The following MATN2 variants were observed in gnomAD, a reference collection of about 807,000 sequenced individuals.
MATN2 encodes the protein matrilin-2.
MATN2 carries 69 observed loss-of-function variants against 103.2 expected under a neutral mutation model. The ratio of observed to expected loss-of-function variants is 0.67; its 90% CI spans 0.55 to 0.82. The LOEUF is 0.82. Ranked by LOEUF, MATN2 falls within the 40% of genes least tolerant of loss-of-function variation. MATN2 has a pLI of 0.00. For missense variants in MATN2, 1,023 were observed against 1,211.5 expected (o/e 0.84, Z 2.31); for synonymous variants, 429 against 450.2 (o/e 0.95, Z 0.60).
intron 2 of MATN2, among the ~76,000 whole-genome samples, chr8:97,889,142 G>A (rs556501037): frequency 1.1e-4 from 16 of 152,098 alleles, no homozygotes; most frequent in Middle Eastern, 3.4e-3. Context: ...CCAGCCACTC[G>A]AATCTGACCC....
chr8:97,885,018 C>T (rs1163347174), intron 1 of MATN2, among the ~76,000 whole-genome samples: 1 of 152,230 alleles, frequency 6.6e-6, no homozygotes, highest in African/African-American at 2.4e-5. Context: ...TAACTCCTCA[C>T]TCTTCACCTA....
At chr8:97,934,962 G>C (rs1022852896) in intron 3 of MATN2, among the ~76,000 whole-genome samples, 1 of 152,192 alleles carries the variant, frequency 6.6e-6, no homozygotes, top group Non-Finnish European at 1.5e-5. Context: ...TTGGGATCCT[G>C]AGATTTTATT....
intron 10 of MATN2, among the ~76,000 whole-genome samples, chr8:98,011,107 G>C (rs1279314405): frequency 6.6e-6 from 1 of 152,222 alleles, no homozygotes; most frequent in Non-Finnish European, 1.5e-5. Flanking sequence ...CCAGCACCCA[G>C]CTGTGTCCTC....
intron 3 of MATN2, among the ~76,000 whole-genome samples, chr8:97,933,781 C>T (rs1268094204): frequency 6.6e-6 from 1 of 152,150 alleles, no homozygotes; most frequent in Non-Finnish European, 1.5e-5. Context: ...TGCTGTCTCT[C>T]ACTGCACTGC....
intron 4 of MATN2, among the ~76,000 whole-genome samples, chr8:97,952,475 C>T (rs752710134): frequency 6.6e-5 from 10 of 152,304 alleles, no homozygotes; most frequent in African/African-American, 1.4e-4. Context: ...CGTGCTCCCC[C>T]CTCAGTTCTG....
At chr8:97,905,698 T>C (rs995259038) in intron 2 of MATN2, among the ~76,000 whole-genome samples, 16 of 152,174 alleles carry the variant, frequency 1.1e-4, no homozygotes, top group Non-Finnish European at 2.9e-5. Context: ...GTCTTATTCC[T>C]ATCACCCAGG....
intron 2 of MATN2, among the ~76,000 whole-genome samples, chr8:97,890,437 C>T (rs976291287): frequency 4.0e-5 from 6 of 150,584 alleles, no homozygotes; most frequent in African/African-American, 1.5e-4. Context: ...TGCACTCTAG[C>T]CTGGGTGACA....
At position 97,903,264 on chromosome 8, in the gene MATN2, T is replaced by G. The variant is rs542260856; in HGVS notation, c.142+15022T>G. ...CCCACCCTTTCCTGTACCTTTGGAA[T>G]TCGTGGCATAGGAACACTATATCTA... On this transcript the variant is annotated intron_variant, in intron 2 of 18. Coordinates refer to ENST00000254898, the MANE Select transcript of MATN2 (RefSeq NM_002380.5). Among the ~76,000 whole-genome samples the G allele has an allele frequency of 5.8e-4, 88 of 152,158 alleles. No homozygotes were observed. The South Asian group carries it at 0.018, about 30-fold the overall frequency.
intron 16 of MATN2, among the ~76,000 whole-genome samples, 151 bp downstream of exon 16, chr8:98,032,468 C>G (rs958014092): frequency 6.6e-6 from 1 of 152,158 alleles, no homozygotes; most frequent in African/African-American, 2.4e-5. Context: ...AACATTTACT[C>G]TTACATTAAG....
At chr8:97,952,805 T>G (rs916231968) in intron 4 of MATN2, among the ~76,000 whole-genome samples, 2 of 152,150 alleles carry the variant, frequency 1.3e-5, no homozygotes, top group Non-Finnish European at 2.9e-5. Context: ...GTTATGAAAT[T>G]CCAAATTACC....
chr8:97,960,924 C>A (rs1325161552), intron 4 of MATN2, among the ~76,000 whole-genome samples: 2 of 152,166 alleles, frequency 1.3e-5, no homozygotes, highest in African/African-American at 4.8e-5. Context: ...AAGCGATTCT[C>A]CTGCCTCGGC....
chr8:97,978,978 G>A lies in MATN2; in HGVS notation c.1051G>A (p.Ala351Thr), dbSNP rs867578482. The A allele has an allele frequency of 6.2e-7, 1 of 1,613,198 alleles. No homozygotes were observed. The highest frequency in any genetic ancestry group is 1.7e-5 in the Admixed American group (1 of 59,824). Residue 351 changes from alanine to threonine, a missense_variant, in exon 6 of 19, where the codon GCT becomes ACT. By Grantham distance (58) the Ala-to-Thr change is moderately conservative. Coordinates refer to ENST00000254898, the MANE Select transcript of MATN2 (RefSeq NM_002380.5). Reference protein sequence around the residue: ...SYLCQCHEGFALNPDKKTCTK... With the variant: ...SYLCQCHEGFTLNPDKKTCTK... ...CCTTTGCCAGTGCCATGAAGGATTT[G>A]CTCTTAACCCAGATAAAAAAACGTG...
chr8:97,991,571 A>G (rs1812387597), intron 6 of MATN2, among the ~76,000 whole-genome samples: 1 of 152,162 alleles, frequency 6.6e-6, no homozygotes, highest in Non-Finnish European at 1.5e-5. Flanking sequence ...AATTACAAAA[A>G]ATTAGCTGGG....
chr8:97,933,346 C>T (rs184094673), intron 3 of MATN2, among the ~76,000 whole-genome samples: 37 of 152,270 alleles, frequency 2.4e-4, no homozygotes, highest in Admixed American at 2.4e-3. Flanking sequence ...ATTTATGTTT[C>T]CCCTTTCCTG....
intron 4 of MATN2, among the ~76,000 whole-genome samples, chr8:97,959,452 CT>C (rs1450453892): frequency 6.6e-6 from 1 of 152,214 alleles, no homozygotes; most frequent in Admixed American, 6.5e-5. Context: ...TGATTACTCA[CT>C]ACGATTTTTG....
rs200729131 is a variant in MATN2 at position 98,033,093 on chromosome 8, T to C, written c.2633T>C (p.Phe878Ser). The C allele has an allele frequency of 7.2e-5, 116 of 1,612,102 alleles. No homozygotes were observed. In the African/African-American group the frequency reaches 1.4e-3, roughly 20 times the overall value. ...NIQDLLSCSN[F>S]AVQHRYLFEE... Reference sequence around the variant, plus strand: ...CAAGACCTACTTTCCTGTTCTAATTTTGCAGTGCAACACAGATATCTGTTT... The same window carrying C: ...CAAGACCTACTTTCCTGTTCTAATTCTGCAGTGCAACACAGATATCTGTTT... The change falls in exon 17 of 19, where the codon TTT becomes TCT. Residue 878 changes from phenylalanine (F) to serine (S), a missense_variant. Physicochemically the swap from Phe to Ser is radical, Grantham distance 155. Transcript: ENST00000254898.
At chr8:97,908,669 C>A (rs1819260972) in intron 2 of MATN2, among the ~76,000 whole-genome samples, 1 of 152,052 alleles carries the variant, frequency 6.6e-6, no homozygotes, top group African/African-American at 2.4e-5. Context: ...TCTCACTTTG[C>A]CACCCAGACT....
chr8:97,939,574 C>T (rs1357910183), intron 3 of MATN2, among the ~76,000 whole-genome samples: 3 of 152,058 alleles, frequency 2.0e-5, no homozygotes, highest in African/African-American at 7.2e-5. Context: ...CACTGGAGCC[C>T]CGGAGATTGA....
intron 12 of MATN2, among the ~76,000 whole-genome samples, chr8:98,019,091 T>TA (rs2130423261): frequency 6.9e-6 from 1 of 144,330 alleles, no homozygotes; most frequent in South Asian, 2.2e-4. Flanking sequence ...TATCTTCTAT[T>TA]TATATATATC....
Sources: gnomAD v4.1 joint callset for allele counts (sites outside exome capture counted in the v4.1 genomes callset) on GRCh38, gnomAD v4.1.1 for gene constraint, MANE v1.5 for transcripts, NCBI Gene and HGNC (gene_info 2026-07-23, HGNC 2026-07-21) for gene names.